The following SEC16B variants were observed in gnomAD, a reference collection of about 807,000 sequenced individuals.
SEC16B encodes protein transport protein Sec16B.
Under a neutral mutation model 141.8 loss-of-function variants are expected in SEC16B, and 115 were observed. The ratio of observed to expected loss-of-function variants is 0.81; its 90% CI spans 0.70 to 0.95. The LOEUF (loss-of-function observed/expected upper bound fraction) is 0.95. Among genes scored for constraint, SEC16B ranks in the 40% least tolerant of loss-of-function variants. The probability of loss-of-function intolerance (pLI) is 0.00; values close to 1 mark genes in which losing one functional copy is unlikely to be tolerated. For synonymous variants in SEC16B, 493 were observed against 492.5 expected, an observed-to-expected ratio of 1.00 and a Z score of -0.01; for missense variants, 1,291 against 1,312.3, an observed-to-expected ratio of 0.98 and a Z score of 0.25.
chr1:177,979,786 T>C (rs536427862), intron 1 of SEC16B, among the ~76,000 whole-genome samples: 273 of 152,298 alleles, frequency 1.8e-3, no homozygotes, highest in African/African-American at 6.1e-3. Flanking sequence ...TCACATCTTA[T>C]GTGGATGGCA....
chr1:177,967,590 G>A, intron 2 of SEC16B, 93 bp downstream of exon 2: 1 of 1,290,440 alleles, frequency 7.7e-7, no homozygotes, highest in Non-Finnish European at 1.1e-6. Context: ...GAAAAAAGGG[G>A]GAGAAAAATA....
At position 177,983,403 on chromosome 1, in the gene SEC16B, C is replaced by T. The variant is rs377255483; in HGVS notation, c.-59+803G>A. 2.0e-5 allele frequency among the ~76,000 whole-genome samples: 3 copies of T among 152,048 alleles called. No homozygotes were observed. In the East Asian group the frequency reaches 5.8e-4, roughly 29 times the overall value. Reference sequence around the variant, plus strand: ...CATCTTGTTCACTTAGGTATCCCCCCACATAGAGAGGTGACAATCAAAAAT... The same window carrying T: ...CATCTTGTTCACTTAGGTATCCCCCTACATAGAGAGGTGACAATCAAAAAT... On this transcript the variant is annotated intron_variant and NMD_transcript_variant, in intron 1 of 24. Coordinates refer to the SEC16B transcript ENST00000528461.
intron 24 of SEC16B, 137 bp downstream of exon 24, chr1:177,932,353 A>G: frequency 1.7e-6 from 1 of 605,420 alleles, no homozygotes; most frequent in Non-Finnish European, 2.7e-6. Flanking sequence ...CTTTGTTATG[A>G]CAGCCTGAGC....
In SEC16B at chr1:177,929,742, G is replaced by A. The variant is rs370254756; in HGVS notation, c.*116C>T. ...CTTCTAAGTGCCCGGTGGAGGCATC[G>A]GGCTAGCACAAACCTCTTGAGGGTC... On this transcript the variant is annotated 3_prime_UTR_variant, in exon 26 of 26. Coordinates refer to ENST00000308284, the MANE Select transcript of SEC16B (RefSeq NM_033127.4). 52 of 1,106,322 alleles carry A rather than the reference G, an allele frequency of 4.7e-5. No homozygotes were observed. The Middle Eastern group carries it at 6.0e-4, about 13-fold the overall frequency. The allele number at this position is 1,106,322 out of a possible 1,614,324, so 68.5% of individuals were successfully genotyped here. A position where few individuals can be genotyped will look rare whatever the true frequency, so the allele number is the denominator to read the frequency against.
chr1:177,968,160 TGG>T lies in SEC16B; in HGVS notation c.-58-123_-58-122del. ...CGAAATATATCTAAAACAAACCATA[TGG>T]TCACGGATACAGAGAAATCTGAGAA... On this transcript the variant is annotated intron_variant, in intron 1 of 25. Coordinates refer to ENST00000308284, the MANE Select transcript of SEC16B (RefSeq NM_033127.4). The T allele has an allele frequency of 7.5e-6, 4 of 530,068 alleles. No homozygotes were observed. The South Asian group carries it at 1.7e-4, about 22-fold the overall frequency. The allele number at this position is 530,068 out of a possible 1,614,324, so 32.8% of individuals were successfully genotyped here. A position where few individuals can be genotyped will look rare whatever the true frequency, so the allele number is the denominator to read the frequency against.
At chr1:177,938,296 C>T (rs1651013220) in intron 18 of SEC16B, among the ~76,000 whole-genome samples, 1 of 145,570 alleles carries the variant, frequency 6.9e-6, no homozygotes, top group South Asian at 2.2e-4. Flanking sequence ...CTTCTGTGTC[C>T]CGAAAAGATC....
Position 177,961,029 on chromosome 1 carries a change from C to T in SEC16B, c.788-90G>A, listed in dbSNP as rs560488699. The T allele has an allele frequency of 1.3e-5, 18 of 1,408,072 alleles. No homozygotes were observed. The East Asian group carries it at 4.1e-4, about 32-fold the overall frequency. The allele number at this position is 1,408,072 out of a possible 1,614,324, so 87.2% of individuals were successfully genotyped here. On this transcript the variant is annotated intron_variant, in intron 6 of 25. Coordinates refer to ENST00000308284, the MANE Select transcript of SEC16B (RefSeq NM_033127.4). ...GAATATGCCACAGATGTATTTCTGC[C>T]CAAATTCTGCCTGAACCAAAATAAG...
Position 177,960,947 on chromosome 1 carries a change from C to A in SEC16B, c.788-8G>T. ...GACCAGCTGAGGAGACATCTTCTGA[C>A]CAACAGACACAGATGGACATTGTTA... On this transcript the variant is annotated splice_polypyrimidine_tract_variant and splice_region_variant and intron_variant, in intron 6 of 25. Transcript: ENST00000308284. 6.6e-7 allele frequency: 1 copy of A among 1,508,112 alleles called. No homozygotes were observed. The allele number at this position is 1,508,112 out of a possible 1,614,324, so 93.4% of individuals were successfully genotyped here.
chr1:177,948,900 A>C (rs922912352), intron 12 of SEC16B, among the ~76,000 whole-genome samples: 1 of 148,362 alleles, frequency 6.7e-6, no homozygotes, highest in Non-Finnish European at 1.5e-5. Flanking sequence ...TTTGCACTTA[A>C]TCAATTACAT....
rs538741641 is a variant in SEC16B at position 177,968,305 on chromosome 1, A to G, written c.-58-266T>C. 5.3e-5 allele frequency among the ~76,000 whole-genome samples: 8 copies of G among 152,330 alleles called. No homozygotes were observed. The East Asian group carries it at 1.5e-3, about 29-fold the overall frequency. ...GAGGGAGGCAAGGGAGACAGATAAC[A>G]ATAATAGGTACAGCTAAAAATGCTA... On this transcript the variant is annotated intron_variant, in intron 1 of 25. Transcript: ENST00000308284.
intron 8 of SEC16B, 21 bp from the exon 9 acceptor site, chr1:177,958,996 G>A (rs1441191663): frequency 6.2e-7 from 1 of 1,607,238 alleles, no homozygotes; most frequent in Non-Finnish European, 8.5e-7. Context: ...AAAATTTAGG[G>A]AGCAAAGAGT....
chr1:177,938,316 A>G (rs900366082), intron 18 of SEC16B, among the ~76,000 whole-genome samples: 9 of 104,864 alleles, frequency 8.6e-5, no homozygotes, highest in Middle Eastern at 9.3e-3. Flanking sequence ...CTTTTGACGC[A>G]TAGGGCCTAA....
intron 10 of SEC16B, among the ~76,000 whole-genome samples, chr1:177,957,401 A>T (rs1176637475): frequency 2.0e-5 from 3 of 152,226 alleles, no homozygotes; most frequent in Non-Finnish European, 4.4e-5. Context: ...TCTTAAGTTT[A>T]AAAAGAGAAA....
chr1:177,955,051 CA>C, intron 10 of SEC16B, among the ~76,000 whole-genome samples: 1 of 152,030 alleles, frequency 6.6e-6, no homozygotes, highest in African/African-American at 2.4e-5. Flanking sequence ...GCCCTAAAAA[CA>C]AAAAGAGCTC....
rs368537918 is a variant in SEC16B at position 177,958,342 on chromosome 1, G to A, written c.1155C>T (p.Ile385=). The A allele has an allele frequency of 9.4e-6, 15 of 1,600,766 alleles. No homozygotes were observed. The highest frequency in any genetic ancestry group is 2.2e-5 in the East Asian group (1 of 44,480). The change falls in exon 10 of 26, where the codon ATC becomes ATT. Residue 385 remains isoleucine, a synonymous_variant. Coordinates refer to ENST00000308284, the MANE Select transcript of SEC16B (RefSeq NM_033127.4). ...RQNGSMVGSD[I]AELLMQDCKK... ...TGCAGTCTTGCATTAGCAGCTCAGC[G>A]ATGTCAGACCCCACCATGGACTGTA... is the stretch of plus-strand genomic sequence containing the variant.
chr1:177,951,895 A>T lies in SEC16B; in HGVS notation c.1545+19T>A. ...CCTTGGGATGCCTGGGTGATAAAGG[A>T]ATCCTGTCATAGGGGTACCGTGGCT... On this transcript the variant is annotated intron_variant, in intron 12 of 25. Transcript: ENST00000308284. 6.3e-7 allele frequency: 1 copy of T among 1,584,356 alleles called. No homozygotes were observed. The highest frequency in any genetic ancestry group is 8.6e-7 in the Non-Finnish European group (1 of 1,164,466).
chr1:177,968,076 A>T (rs543020974), intron 1 of SEC16B, 37 bp from the exon 2 acceptor site: 2 of 1,255,722 alleles, frequency 1.6e-6, no homozygotes, highest in African/African-American at 1.5e-5. Context: ...TCATCACTTG[A>T]AGCCTATATC....
In SEC16B at chr1:177,941,967, G is replaced by C. The variant is rs1458462827; in HGVS notation, c.1955C>G (p.Ala652Gly). 5.6e-6 allele frequency: 9 copies of C among 1,614,014 alleles called. No individual in the cohort carries two copies. In the South Asian group the frequency reaches 9.9e-5, roughly 18 times the overall value. The change falls in exon 16 of 26, where the codon GCC (alanine) becomes GGC (glycine). Residue 652 changes from alanine to glycine, a missense_variant. By Grantham distance (60) the Ala-to-Gly change is moderately conservative. Around this residue, in one of 3 missense-constraint regions of SEC16B, gnomAD observed 605 missense variants for 614.1 expected, o/e 0.99. Transcript: ENST00000308284. ...LVSQALHYCE[A>G]IGAAVLSQGE... is the part of the protein sequence containing the mutation. ...CTGGCTCAAGACAGCTGCACCAATG[G>C]CTTCGCAGTAATGCAAAGCCTGGGA...
intron 15 of SEC16B, among the ~76,000 whole-genome samples, chr1:177,944,237 A>G (rs1352306744): frequency 6.6e-6 from 1 of 152,180 alleles, no homozygotes; most frequent in East Asian, 1.9e-4. Flanking sequence ...GAAGAAAGGG[A>G]GAGCTGTCTG....
Sources: allele counts gnomAD v4.1 joint callset (sites outside exome capture counted in the v4.1 genomes callset), GRCh38; gene constraint gnomAD v4.1.1; regional missense constraint gnomAD v4.1.1; transcripts MANE v1.5; gene names NCBI Gene and HGNC (gene_info 2026-07-23, HGNC 2026-07-21).